BTBD16: variants seen among roughly 807,000 people sequenced by gnomAD.
BTBD16 encodes the protein BTB/POZ domain-containing protein 16.
In BTBD16, 66 loss-of-function variants were observed where a neutral mutation model predicts 67.4. The observed-to-expected ratio is 0.98, with a 90% CI of 0.80 to 1.20. The LOEUF (loss-of-function observed/expected upper bound fraction) is 1.20, where lower values mean the gene tolerates loss of function less well. BTBD16 is among the 50% of genes most tolerant of loss of function. The probability of loss-of-function intolerance (pLI) is 0.00; values close to 1 mark genes in which losing one functional copy is unlikely to be tolerated. For missense variants in BTBD16, 634 were observed against 616.0 expected, an observed-to-expected ratio of 1.03 and a Z score of -0.31; for synonymous variants, 242 against 236.4, an observed-to-expected ratio of 1.02 and a Z score of -0.22.
At chr10:122,307,118 C>A (rs1316061850) in intron 9 of BTBD16, 71 bp from the exon 10 acceptor site, 1 of 1,518,432 alleles carries the variant, frequency 6.6e-7, no homozygotes. Context: ...CTCATTCTAA[C>A]CAGCTTCTTA....
In BTBD16 at chr10:122,334,983, A is replaced by AG. The variant is rs1361947779; in HGVS notation, c.1263+6dup. 3.7e-6 allele frequency: 5 copies of AG among 1,366,520 alleles called. No homozygotes were observed. The highest frequency in any genetic ancestry group is 5.1e-6 in the Non-Finnish European group (5 of 972,024). 84.6% of individuals were successfully genotyped at this position (1,366,520 alleles called of 1,614,324 possible). A position where few individuals can be genotyped will look rare whatever the true frequency, so the allele number is the denominator to read the frequency against. On this transcript the variant is annotated splice_donor_region_variant and intron_variant, in intron 14 of 15. Coordinates refer to ENST00000260723, the MANE Select transcript of BTBD16 (RefSeq NM_144587.5). Reference sequence around the variant, plus strand: ...CTCTTATAGTTTTTACATGCAGGTAAGGATAGAGTGCATGAAAGTTATGTC... The same window carrying AG: ...CTCTTATAGTTTTTACATGCAGGTAAGGGATAGAGTGCATGAAAGTTATGTC...
At chr10:122,303,937 G>T (rs2421012) in intron 9 of BTBD16, among the ~76,000 whole-genome samples, 1 of 152,018 alleles carries the variant, frequency 6.6e-6, no homozygotes, top group African/African-American at 2.4e-5. Context: ...TAATAATTAT[G>T]CTTCATAAAT....
At chr10:122,320,145 A>G (rs1463814767) in intron 10 of BTBD16, among the ~76,000 whole-genome samples, 2 of 152,076 alleles carry the variant, frequency 1.3e-5, no homozygotes, top group African/African-American at 4.8e-5. Flanking sequence ...CACCTGTAAA[A>G]AAAGACAATT....
At chr10:122,285,250 G>A (rs2142057258) in intron 4 of BTBD16, among the ~76,000 whole-genome samples, 1 of 152,266 alleles carries the variant, frequency 6.6e-6, no homozygotes, top group East Asian at 1.9e-4. Flanking sequence ...GCTGAGCCAT[G>A]CAGAGTCCTC....
chr10:122,311,685 AC>A (rs1440261627), intron 10 of BTBD16, among the ~76,000 whole-genome samples: 1 of 152,216 alleles, frequency 6.6e-6, no homozygotes, highest in African/African-American at 2.4e-5. Flanking sequence ...AGGTGCATGA[AC>A]CTTAAATGAA....
chr10:122,288,796 G>C (rs2096368536), intron 5 of BTBD16, among the ~76,000 whole-genome samples: 1 of 152,196 alleles, frequency 6.6e-6, no homozygotes, highest in African/African-American at 2.4e-5. Flanking sequence ...GAAGACCCCC[G>C]ATGAGGAAGG....
At position 122,302,901 on chromosome 10, in the gene BTBD16, G is replaced by A. The variant is rs539746634; in HGVS notation, c.791+3767G>A. Among the ~76,000 whole-genome samples the A allele has an allele frequency of 3.3e-5, 5 of 152,234 alleles. No homozygotes were observed. In the South Asian group the frequency reaches 1.0e-3, roughly 32 times the overall value. ...GTCTCCTCATGCAACATGAGAGTTG[G>A]GATTTGAACCCACGTCTGAGTGGCC... On this transcript the variant is annotated intron_variant, in intron 9 of 15. Coordinates refer to ENST00000260723, the MANE Select transcript of BTBD16 (RefSeq NM_144587.5).
In BTBD16 at chr10:122,315,178, A is replaced by AT. The variant is rs555841108; in HGVS notation, c.911+7875dup. Among the ~76,000 whole-genome samples, 144 of 152,332 alleles carry AT rather than the reference A, an allele frequency of 9.5e-4. 1 individual carries two copies. The highest frequency in any genetic ancestry group is 7.0e-3 in the South Asian group (34 of 4,830). On this transcript the variant is annotated intron_variant, in intron 10 of 15. Coordinates refer to ENST00000260723, the MANE Select transcript of BTBD16 (RefSeq NM_144587.5). The stretch of plus-strand genomic sequence containing the variant: ...GCTATGAATGTGGTAAAATATATTA[A>AT]TTTTTCAAAGCAATAAACTTTGAGG...
chr10:122,321,415 T>C (rs1274176988), intron 10 of BTBD16, among the ~76,000 whole-genome samples: 1 of 152,220 alleles, frequency 6.6e-6, no homozygotes, highest in Admixed American at 6.5e-5. Context: ...AATTTTCAGT[T>C]CTTTGAGAAA....
chr10:122,276,857 T>C lies in BTBD16; in HGVS notation c.85T>C (p.Phe29Leu). ...TNRWRLPKQP[F>L]SGDLLSLSQM... ...CCGGTGGCGTTTGCCCAAACAGCCT[T>C]TCTCTGGGGACCTGCTCTCACTTTC... Residue 29 changes from phenylalanine (F) to leucine (L), a missense_variant, in exon 3 of 16, where the codon TTC becomes CTC. Transcript: ENST00000260723. 2 of 1,614,240 alleles carry C rather than the reference T, an allele frequency of 1.2e-6. No homozygotes were observed. Among genetic ancestry groups the C allele is most frequent in the Non-Finnish European group, 1.7e-6 (2 of 1,180,040 alleles).
At chr10:122,316,183 C>A (rs1012067450) in intron 10 of BTBD16, among the ~76,000 whole-genome samples, 5 of 152,134 alleles carry the variant, frequency 3.3e-5, no homozygotes, top group African/African-American at 7.2e-5. Context: ...AAGAGAATCG[C>A]TTGAACCTGG....
intron 10 of BTBD16, among the ~76,000 whole-genome samples, chr10:122,320,634 A>T (rs1240882741): frequency 6.6e-6 from 1 of 151,978 alleles, no homozygotes; most frequent in Non-Finnish European, 1.5e-5. Flanking sequence ...TGACCTATGG[A>T]TTATTTAGAA....
chr10:122,286,543 C>G (rs559029397), intron 5 of BTBD16, among the ~76,000 whole-genome samples: 1 of 151,986 alleles, frequency 6.6e-6, no homozygotes, highest in African/African-American at 2.4e-5. Context: ...TGTAATAACC[C>G]GAGTCTTGTC....
At chr10:122,274,137 C>T (rs1454448412) in intron 1 of BTBD16, among the ~76,000 whole-genome samples, 1 of 152,238 alleles carries the variant, frequency 6.6e-6, no homozygotes, top group Non-Finnish European at 1.5e-5. Context: ...CACCAGCTCA[C>T]CCACTTCTCC....
At chr10:122,292,520 C>T (rs920163127) in intron 7 of BTBD16, among the ~76,000 whole-genome samples, 2 of 152,242 alleles carry the variant, frequency 1.3e-5, no homozygotes, top group Non-Finnish European at 2.9e-5. Context: ...TATTCCACTT[C>T]GCTTGGGTGA....
rs760575661 is a variant in BTBD16, at chr10:122,283,856, GCA to G, written c.174_175del (p.Ile59PhefsTer9). The G allele has an allele frequency of 6.2e-7, 1 of 1,613,620 alleles. No homozygotes were observed. The highest frequency in any genetic ancestry group is 1.1e-5 in the South Asian group (1 of 91,052). The stretch of plus-strand genomic sequence containing the variant: ...TATTTGCATTTTCCCTTGAGGTTAT[GCA>G]TTTCACAAATCCAGAAGTTTTTCTT... On this transcript the variant is annotated frameshift_variant, in exon 4 of 16. Transcript: ENST00000260723. LOFTEE classifies it high-confidence loss of function.
intron 3 of BTBD16, among the ~76,000 whole-genome samples, chr10:122,279,323 T>G (rs914568965): frequency 6.6e-6 from 1 of 151,662 alleles, no homozygotes; most frequent in African/African-American, 2.4e-5. Flanking sequence ...TACAAAAAAT[T>G]TTAAAATTAG....
chr10:122,317,188 A>T (rs1305649496), intron 10 of BTBD16, among the ~76,000 whole-genome samples: 2 of 152,196 alleles, frequency 1.3e-5, no homozygotes, highest in East Asian at 1.9e-4. Context: ...TTACTTTATA[A>T]TTTTTTTAAT....
At chr10:122,280,382 C>A (rs1442095910) in intron 3 of BTBD16, among the ~76,000 whole-genome samples, 3 of 151,838 alleles carry the variant, frequency 2.0e-5, no homozygotes, top group Non-Finnish European at 4.4e-5. Flanking sequence ...GGAGGGGGCA[C>A]CCCCACGAAG....
Sources: allele counts gnomAD v4.1 joint callset (sites outside exome capture counted in the v4.1 genomes callset), GRCh38; gene constraint gnomAD v4.1.1; transcripts MANE v1.5; gene names NCBI Gene and HGNC (gene_info 2026-07-23, HGNC 2026-07-21).